The following LDLRAD4 variants were observed in gnomAD, a reference collection of about 807,000 sequenced individuals.
LDLRAD4 encodes low-density lipoprotein receptor class A domain-containing protein 4.
LDLRAD4 carries 5 observed loss-of-function variants against 17.0 expected under a neutral mutation model. The ratio of observed to expected loss-of-function variants is 0.29; its 90% CI spans 0.15 to 0.62. The LOEUF (loss-of-function observed/expected upper bound fraction) is 0.62, where lower values mean the gene tolerates loss of function less well. LDLRAD4 is among the 20% of genes least tolerant of loss of function. The pLI is 0.84. For missense variants in LDLRAD4, 340 were observed against 424.7 expected (o/e 0.80, Z 1.75); for synonymous variants, 168 against 171.8 (o/e 0.98, Z 0.17).
At chr18:13,299,965 CA>C (rs1320279780) in intron 1 of LDLRAD4, among the ~76,000 whole-genome samples, 1 of 152,304 alleles carries the variant, frequency 6.6e-6, no homozygotes, top group East Asian at 1.9e-4. Context: ...TATTTTTCCC[CA>C]CACTGAAGGC....
At chr18:13,519,305 A>G (rs1435053040) in intron 3 of LDLRAD4, among the ~76,000 whole-genome samples, 1 of 152,198 alleles carries the variant, frequency 6.6e-6, no homozygotes, top group Non-Finnish European at 1.5e-5. Flanking sequence ...TTCTAGTTCC[A>G]GAAACATGTG....
intron 3 of LDLRAD4, chr18:13,612,605 T>C (rs2148728092): frequency 1.3e-5 from 20 of 1,577,024 alleles, no homozygotes; most frequent in Non-Finnish European, 1.7e-5. Context: ...TAACTGCAGC[T>C]CTGAGCTGCC....
intron 1 of LDLRAD4, among the ~76,000 whole-genome samples, chr18:13,260,817 A>G (rs993774736): frequency 2.6e-5 from 4 of 152,096 alleles, no homozygotes; most frequent in African/African-American, 9.7e-5. Flanking sequence ...AAGGGCAGGG[A>G]GCTCATCTCT....
At chr18:13,437,799 T>A (rs972502223) in intron 2 of LDLRAD4, among the ~76,000 whole-genome samples, 5 of 152,234 alleles carry the variant, frequency 3.3e-5, no homozygotes, top group African/African-American at 1.2e-4. Flanking sequence ...TGAGTGTTCT[T>A]TTGTTAAGCC....
At chr18:13,576,969 T>C (rs1053037870) in intron 3 of LDLRAD4, among the ~76,000 whole-genome samples, 4 of 152,266 alleles carry the variant, frequency 2.6e-5, no homozygotes, top group Non-Finnish European at 5.9e-5. Context: ...AAGGAATCCT[T>C]AGCATAAGTT....
intron 1 of LDLRAD4, among the ~76,000 whole-genome samples, chr18:13,304,961 T>C (rs544580786): frequency 1.3e-5 from 2 of 152,336 alleles, no homozygotes; most frequent in East Asian, 1.9e-4. Flanking sequence ...AAAAACTTAG[T>C]TGACTCTTGT....
chr18:13,626,647 T>C (rs1186765831), intron 4 of LDLRAD4, among the ~76,000 whole-genome samples: 1 of 152,240 alleles, frequency 6.6e-6, no homozygotes, highest in East Asian at 1.9e-4. Flanking sequence ...CATTATCAAC[T>C]CCTACAGGGA....
intron 3 of LDLRAD4, among the ~76,000 whole-genome samples, chr18:13,455,765 A>G (rs577685662): frequency 1.3e-5 from 2 of 151,606 alleles, no homozygotes; most frequent in East Asian, 3.9e-4. Flanking sequence ...TCAGCCCCAC[A>G]CCGGGTGCCA....
intron 1 of LDLRAD4, among the ~76,000 whole-genome samples, chr18:13,262,007 TGCGTGGGGGCTGAGTCCC>T (rs1370276318): frequency 6.6e-6 from 1 of 151,462 alleles, no homozygotes. Flanking sequence ...TGGGGCTCTG[TGCGTGGGGGCTGAGTCCC>T]GTGTGGCTCT....
intron 3 of LDLRAD4, among the ~76,000 whole-genome samples, chr18:13,502,064 T>C (rs981729090): frequency 1.3e-5 from 2 of 152,224 alleles, no homozygotes; most frequent in Non-Finnish European, 2.9e-5. Context: ...CGCTGCAAAT[T>C]CGCGGAAGGC....
intron 3 of LDLRAD4, among the ~76,000 whole-genome samples, chr18:13,460,609 A>G (rs1036316070): frequency 6.6e-6 from 1 of 152,234 alleles, no homozygotes; most frequent in Non-Finnish European, 1.5e-5. Flanking sequence ...AAAATTCTTC[A>G]TATCTGATGA....
At chr18:13,551,491 GAGC>G (rs1403092993) in intron 3 of LDLRAD4, among the ~76,000 whole-genome samples, 1 of 152,188 alleles carries the variant, frequency 6.6e-6, no homozygotes, top group Non-Finnish European at 1.5e-5. Context: ...ATAAAGCTGA[GAGC>G]AAGGAGGTAC....
intron 3 of LDLRAD4, among the ~76,000 whole-genome samples, chr18:13,532,855 G>A (rs531253700): frequency 4.0e-4 from 61 of 152,288 alleles, no homozygotes; most frequent in African/African-American, 1.2e-3. Flanking sequence ...TGCGCCTTCC[G>A]TCCTCCAGGC....
At chr18:13,482,651 G>T (rs1336101210) in intron 3 of LDLRAD4, among the ~76,000 whole-genome samples, 1 of 152,230 alleles carries the variant, frequency 6.6e-6, no homozygotes, top group South Asian at 2.1e-4. Flanking sequence ...ATCAGTCTGT[G>T]TGGAGAGGGA....
intron 2 of LDLRAD4, among the ~76,000 whole-genome samples, chr18:13,393,619 A>T (rs1444235102): frequency 2.0e-5 from 3 of 152,158 alleles, no homozygotes; most frequent in African/African-American, 7.2e-5. Flanking sequence ...AAACAGTGTC[A>T]TGAGACCGTC....
intron 3 of LDLRAD4, among the ~76,000 whole-genome samples, chr18:13,542,672 C>T (rs955021102): frequency 3.3e-5 from 5 of 152,132 alleles, no homozygotes; most frequent in Non-Finnish European, 5.9e-5. Context: ...GCGGGGCGGG[C>T]GGAGGTGGGT....
Position 13,310,223 on chromosome 18 carries a change from A to C in LDLRAD4, c.-383+32035A>C, listed in dbSNP as rs895225238. On this transcript the variant is annotated intron_variant, in intron 1 of 5. Transcript: ENST00000359446. ...AAATTAGCCGGGTGTGGTGGTGTAC[A>C]CCTGTTGTCCTAGACACTTAGGAGG... is the stretch of plus-strand genomic sequence containing the variant. Among the ~76,000 whole-genome samples, 5 of 150,248 alleles carry C rather than the reference A, an allele frequency of 3.3e-5. No homozygotes were observed. In the East Asian group the frequency reaches 7.8e-4, roughly 23 times the overall value.
intron 2 of LDLRAD4, among the ~76,000 whole-genome samples, chr18:13,435,452 T>C (rs2090590135): frequency 6.6e-6 from 1 of 152,176 alleles, no homozygotes; most frequent in African/African-American, 2.4e-5. Context: ...TTTTTTTAAT[T>C]TTTAATTTTT....
intron 1 of LDLRAD4, among the ~76,000 whole-genome samples, chr18:13,224,311 C>T (rs891919664): frequency 3.9e-5 from 6 of 152,148 alleles, no homozygotes; most frequent in African/African-American, 1.2e-4. Flanking sequence ...CCCCATGGCA[C>T]CTCTGGGTGT....
Sources: allele counts gnomAD v4.1 joint callset (sites outside exome capture counted in the v4.1 genomes callset), GRCh38; gene constraint gnomAD v4.1.1; transcripts MANE v1.5; gene names NCBI Gene and HGNC (gene_info 2026-07-23, HGNC 2026-07-21).